The following LIN28B variants were observed in gnomAD, a reference collection of about 807,000 sequenced individuals.
LIN28B encodes protein lin-28 homolog B.
In LIN28B, 5 loss-of-function variants were observed where a neutral mutation model predicts 21.9. That is an observed-to-expected ratio of 0.23 (90% CI 0.12 to 0.48). The LOEUF is 0.48. LIN28B is among the 20% of genes least tolerant of loss of function. The pLI is 0.98. For missense variants in LIN28B, 245 were observed against 310.5 expected (o/e 0.79, Z 1.58); for synonymous variants, 109 against 111.3 (o/e 0.98, Z 0.13).
intron 2 of LIN28B, among the ~76,000 whole-genome samples, chr6:104,985,238 C>T (rs1407987937): frequency 1.3e-5 from 2 of 152,140 alleles, no homozygotes; most frequent in Non-Finnish European, 2.9e-5. Flanking sequence ...TTAATATGAG[C>T]TTTATGTGAC....
intron 2 of LIN28B, among the ~76,000 whole-genome samples, chr6:104,974,031 C>G (rs536898203): frequency 6.6e-6 from 1 of 152,250 alleles, no homozygotes; most frequent in South Asian, 2.1e-4. Context: ...GTTTGTGTTT[C>G]TAGCATATTT....
chr6:104,951,441 TATC>T (rs1778219500), intron 3 of LIN28B, among the ~76,000 whole-genome samples: 1 of 152,132 alleles, frequency 6.6e-6, no homozygotes, highest in African/African-American at 2.4e-5. Flanking sequence ...GATACTCTAA[TATC>T]ATGAAAAAGA....
At chr6:104,951,151 C>T (rs998628039) in intron 3 of LIN28B, among the ~76,000 whole-genome samples, 1 of 152,070 alleles carries the variant, frequency 6.6e-6, no homozygotes, top group African/African-American at 2.4e-5. Context: ...AAAGTTATAG[C>T]ACCATTTTTT....
chr6:105,001,617 A>T (rs1046273604), intron 2 of LIN28B, among the ~76,000 whole-genome samples: 6 of 152,224 alleles, frequency 3.9e-5, no homozygotes, highest in Admixed American at 3.3e-4. Flanking sequence ...GACATGTGTA[A>T]GAGAACGGAA....
intron 2 of LIN28B, chr6:104,941,470 G>T (rs1483144720): frequency 6.7e-6 from 1 of 149,812 alleles, no homozygotes; most frequent in Non-Finnish European, 1.5e-5. Context: ...CAGGGCGGGG[G>T]CGCAGGCCAC....
At chr6:105,058,136 G>A in intron 3 of LIN28B, 1 of 357,164 alleles carries the variant, frequency 2.8e-6, no homozygotes, top group Non-Finnish European at 5.5e-6. Flanking sequence ...ATTTTATCAT[G>A]TTCCTAGAGG....
intron 3 of LIN28B, among the ~76,000 whole-genome samples, chr6:105,064,853 C>G (rs1222809590): frequency 6.6e-6 from 1 of 152,160 alleles, no homozygotes; most frequent in Non-Finnish European, 1.5e-5. Context: ...CCAGCCAAAT[C>G]TAGAGGGTGA....
chr6:105,018,643 A>G (rs752807480), intron 2 of LIN28B, among the ~76,000 whole-genome samples: 1 of 152,078 alleles, frequency 6.6e-6, no homozygotes, highest in Non-Finnish European at 1.5e-5. Context: ...TTAAAGTTAA[A>G]TATTTGTCTT....
chr6:105,072,560 G>A (rs184507101), intron 3 of LIN28B, among the ~76,000 whole-genome samples: 2 of 152,192 alleles, frequency 1.3e-5, no homozygotes, highest in East Asian at 3.9e-4. Context: ...GGTGTTAAAT[G>A]TGTATTTATT....
At chr6:105,024,772 A>G (rs1771253058) in intron 2 of LIN28B, among the ~76,000 whole-genome samples, 1 of 152,048 alleles carries the variant, frequency 6.6e-6, no homozygotes, top group South Asian at 2.1e-4. Context: ...TTTTGTTTTT[A>G]TTTATTCTAT....
At chr6:105,054,126 G>C (rs912459659) in intron 3 of LIN28B, among the ~76,000 whole-genome samples, 1 of 152,178 alleles carries the variant, frequency 6.6e-6, no homozygotes, top group Admixed American at 6.5e-5. Flanking sequence ...GATGTAATTA[G>C]TGTGTGTTTT....
At chr6:105,050,684 C>T (rs1396334042) in intron 3 of LIN28B, among the ~76,000 whole-genome samples, 1 of 146,752 alleles carries the variant, frequency 6.8e-6, no homozygotes, top group Admixed American at 6.8e-5. Flanking sequence ...GAGTTTCTGC[C>T]GAGAGATCTG....
intron 2 of LIN28B, among the ~76,000 whole-genome samples, chr6:104,962,031 GTCATTATCTTACCTAATAA>G (rs1271232529): frequency 1.3e-5 from 2 of 152,052 alleles, no homozygotes; most frequent in Non-Finnish European, 2.9e-5. Context: ...TATTTCCAAA[GTCATTATCTTACCTAATAA>G]GATGAAATGA....
upstream of LIN28B, chr6:104,957,099 A>G (rs1778300346): frequency 6.5e-6 from 10 of 1,550,074 alleles, no homozygotes; most frequent in Non-Finnish European, 8.7e-6. Flanking sequence ...GAGAGGAGAG[A>G]AAAAAATCAA....
chr6:104,943,799 A>G (rs1304618886), intron 2 of LIN28B, among the ~76,000 whole-genome samples: 2 of 152,174 alleles, frequency 1.3e-5, no homozygotes, highest in African/African-American at 2.4e-5. Flanking sequence ...CACAAAGTAA[A>G]GTATTTCTAG....
At chr6:105,027,367 G>A (rs899545371) in intron 3 of LIN28B, among the ~76,000 whole-genome samples, 1 of 151,958 alleles carries the variant, frequency 6.6e-6, no homozygotes, top group Non-Finnish European at 1.5e-5. Flanking sequence ...CTCATTGTTT[G>A]TTTGTGGTTT....
At position 105,053,714 on chromosome 6, in the gene LIN28B, C is replaced by CAT. The variant is rs61525783; in HGVS notation, c.384-24700_384-24699insAT. ...TGTTTGTATGGTGTGTGTGTGGGTGCGTGTGTGTGTGTGTGTGTGTGTGTG... is the reference window on the plus strand; with the variant it reads ...TGTTTGTATGGTGTGTGTGTGGGTGCATGTGTGTGTGTGTGTGTGTGTGTGTG... On this transcript the variant is annotated intron_variant, in intron 3 of 3. Coordinates refer to ENST00000345080, the MANE Select transcript of LIN28B (RefSeq NM_001004317.4). 4.7e-3 allele frequency among the ~76,000 whole-genome samples: 688 copies of CAT among 147,364 alleles called. 7 individuals carry two copies. Among genetic ancestry groups the CAT allele is most frequent in the East Asian group, 0.017 (84 of 4,908 alleles).
intron 2 of LIN28B, among the ~76,000 whole-genome samples, chr6:105,022,344 T>C (rs748303976): frequency 6.6e-5 from 10 of 152,188 alleles, no homozygotes; most frequent in Non-Finnish European, 1.3e-4. Context: ...TATTTGATCA[T>C]AGTTTTACCG....
At chr6:105,003,672 C>T (rs190591707) in intron 2 of LIN28B, among the ~76,000 whole-genome samples, 5 of 152,082 alleles carry the variant, frequency 3.3e-5, no homozygotes, top group Non-Finnish European at 7.4e-5. Context: ...GCCACCATGC[C>T]CAGCTAAGTT....
Sources: allele counts gnomAD v4.1 joint callset (sites outside exome capture counted in the v4.1 genomes callset), GRCh38; gene constraint gnomAD v4.1.1; transcripts MANE v1.5; gene names NCBI Gene and HGNC (gene_info 2026-07-23, HGNC 2026-07-21).